The following RBFOX1 variants were observed in gnomAD, a reference collection of about 807,000 sequenced individuals.
The protein encoded by RBFOX1 is RNA binding protein fox-1 homolog 1.
In RBFOX1, 8 loss-of-function variants were observed where a neutral mutation model predicts 57.7. That is an observed-to-expected ratio of 0.14 (90% CI 0.08 to 0.25). The LOEUF is 0.25. RBFOX1 is among the 10% of genes least tolerant of loss of function. RBFOX1 has a pLI of 1.00. For synonymous variants in RBFOX1, 326 were observed against 222.4 expected, an observed-to-expected ratio of 1.47 and a Z score of -4.15; for missense variants, 611 against 548.5, an observed-to-expected ratio of 1.11 and a Z score of -1.14.
intron 2 of RBFOX1, among the ~76,000 whole-genome samples, chr16:6,320,198 C>T (rs1349398898): frequency 6.6e-6 from 1 of 152,128 alleles, no homozygotes; most frequent in Non-Finnish European, 1.5e-5. Context: ...CTTAGCGTAA[C>T]CCTAATCAGC....
In RBFOX1 at chr16:7,190,290, C is replaced by T. The variant is rs903348310; in HGVS notation, c.27+138192C>T. On this transcript the variant is annotated intron_variant, in intron 4 of 15. Coordinates refer to ENST00000550418, the MANE Select transcript of RBFOX1 (RefSeq NM_018723.4). ...AGGAGAATCACTTGAACGCAGGAGG[C>T]GGAGGTTGCAGTGAGCTGAGATCAC... 2.0e-5 allele frequency among the ~76,000 whole-genome samples: 3 copies of T among 152,040 alleles called. 1 individual carries two copies. Among genetic ancestry groups the T allele is most frequent in the South Asian group, 4.1e-4 (2 of 4,820 alleles).
intron 3 of RBFOX1, among the ~76,000 whole-genome samples, chr16:5,802,567 G>A (rs543959864): frequency 6.6e-6 from 1 of 152,166 alleles, no homozygotes. Flanking sequence ...AACCTACGGG[G>A]AGAAAGTTTT....
chr16:7,472,566 T>C (rs2061762966), intron 4 of RBFOX1, among the ~76,000 whole-genome samples: 1 of 152,198 alleles, frequency 6.6e-6, no homozygotes, highest in African/African-American at 2.4e-5. Flanking sequence ...ATATACAACA[T>C]AGCGTTTACT....
chr16:7,480,239 G>C (rs2063610563), intron 4 of RBFOX1, among the ~76,000 whole-genome samples: 1 of 152,168 alleles, frequency 6.6e-6, no homozygotes, highest in Non-Finnish European at 1.5e-5. Flanking sequence ...CTGGGCCTCG[G>C]GAAGCAACTT....
intron 2 of RBFOX1, among the ~76,000 whole-genome samples, chr16:6,620,139 TAACA>T (rs755535435): frequency 2.4e-4 from 37 of 152,286 alleles, no homozygotes; most frequent in African/African-American, 5.3e-4. Flanking sequence ...ACTGAAATCA[TAACA>T]AACAGTCTCT....
intron 3 of RBFOX1, among the ~76,000 whole-genome samples, chr16:5,816,116 G>T (rs2055624868): frequency 6.6e-6 from 1 of 152,162 alleles, no homozygotes; most frequent in South Asian, 2.1e-4. Context: ...GGTAGCATTA[G>T]TTCCAATTTG....
chr16:6,775,222 G>T (rs2079110267), intron 3 of RBFOX1, among the ~76,000 whole-genome samples: 2 of 148,576 alleles, frequency 1.3e-5, no homozygotes, highest in South Asian at 2.1e-4. Flanking sequence ...TGTAGTCCCA[G>T]CTACTCGGGA....
At chr16:6,277,790 A>G (rs938851280) in intron 1 of RBFOX1, among the ~76,000 whole-genome samples, 1 of 152,104 alleles carries the variant, frequency 6.6e-6, no homozygotes, top group Non-Finnish European at 1.5e-5. Context: ...AGGGGTGGCA[A>G]TGAAGACGTG....
Position 7,344,101 on chromosome 16 carries a change from CTTTTT to C in RBFOX1, c.28-174025_28-174021del, listed in dbSNP as rs61008217. Among the ~76,000 whole-genome samples the C allele has an allele frequency of 2.1e-3, 193 of 90,612 alleles. 1 individual carries two copies. Among genetic ancestry groups the C allele is most frequent in the Non-Finnish European group, 1.9e-3 (86 of 46,086 alleles). The allele number at this position is 90,612 out of a possible 152,430, so 59.4% of individuals were successfully genotyped here. On this transcript the variant is annotated intron_variant, in intron 4 of 15. Transcript: ENST00000550418. ...TGCCTGGGTTAGAATCTCAGCTTTA[CTTTTT>C]TTTTTTTTTTTTTTTTTTTTAACTC...
At chr16:6,695,253 C>G (rs1302057085) in intron 3 of RBFOX1, among the ~76,000 whole-genome samples, 2 of 151,774 alleles carry the variant, frequency 1.3e-5, no homozygotes, top group East Asian at 3.9e-4. Context: ...AACTCCGTCT[C>G]TACTGAAAAT....
intron 3 of RBFOX1, among the ~76,000 whole-genome samples, chr16:6,722,303 A>G (rs765787892): frequency 6.9e-6 from 1 of 144,164 alleles, no homozygotes; most frequent in Non-Finnish European, 1.5e-5. Context: ...CAGCCTCGCC[A>G]ACTTTTGTTA....
chr16:5,939,595 A>G (rs1186600182), intron 4 of RBFOX1, among the ~76,000 whole-genome samples: 3 of 152,212 alleles, frequency 2.0e-5, no homozygotes, highest in South Asian at 4.1e-4. Context: ...AGTGCCTTTT[A>G]TGACACAATT....
At chr16:7,328,758 G>A (rs2096646507) in intron 4 of RBFOX1, 1 of 152,060 alleles carries the variant, frequency 6.6e-6, no homozygotes, top group African/African-American at 2.4e-5. Context: ...GAAGCATTAG[G>A]AGAGAGAAGA....
chr16:6,518,526 C>T (rs1018711401), intron 2 of RBFOX1, among the ~76,000 whole-genome samples: 1 of 152,076 alleles, frequency 6.6e-6, no homozygotes, highest in South Asian at 2.1e-4. Context: ...TCATGTAGAT[C>T]TGATTCCAGT....
At chr16:5,343,227 A>G (rs367645188) in intron 1 of RBFOX1, among the ~76,000 whole-genome samples, 2 of 150,274 alleles carry the variant, frequency 1.3e-5, no homozygotes, top group South Asian at 2.1e-4. Flanking sequence ...ATCAAACCAT[A>G]CCTAAAGTCC....
intron 3 of RBFOX1, among the ~76,000 whole-genome samples, chr16:6,973,618 G>T (rs188025640): frequency 9.2e-4 from 140 of 152,196 alleles, no homozygotes; most frequent in African/African-American, 3.1e-3. Flanking sequence ...GTTTTTGACA[G>T]TTATCAAAGA....
chr16:7,310,951 G>C (rs762902479), intron 4 of RBFOX1, among the ~76,000 whole-genome samples: 5 of 152,174 alleles, frequency 3.3e-5, no homozygotes, highest in Non-Finnish European at 7.3e-5. Flanking sequence ...CAACGCTTTG[G>C]AAAACTTCCG....
intron 4 of RBFOX1, among the ~76,000 whole-genome samples, chr16:5,895,997 TTGG>T (rs1277276979): frequency 6.6e-6 from 1 of 152,094 alleles, no homozygotes; most frequent in East Asian, 1.9e-4. Flanking sequence ...TACGACAAAC[TTGG>T]TGTAAAATGT....
At chr16:6,855,542 A>C (rs995160337) in intron 3 of RBFOX1, among the ~76,000 whole-genome samples, 4 of 151,244 alleles carry the variant, frequency 2.6e-5, no homozygotes, top group African/African-American at 9.8e-5. Context: ...AGTCCCAGCT[A>C]CTGGGGAGGC....
Sources: gnomAD v4.1 joint callset for allele counts (sites outside exome capture counted in the v4.1 genomes callset) on GRCh38, gnomAD v4.1.1 for gene constraint, MANE v1.5 for transcripts, NCBI Gene and HGNC (gene_info 2026-07-23, HGNC 2026-07-21) for gene names.